Variants in ZDHHC21 observed in about 807,000 individuals in gnomAD.
ZDHHC21 encodes the protein palmitoyltransferase ZDHHC21.
A neutral mutation model predicts 34.6 loss-of-function variants in ZDHHC21; 15 were observed. The ratio of observed to expected loss-of-function variants is 0.43; its 90% CI spans 0.29 to 0.67. The LOEUF is 0.67. ZDHHC21 is among the 30% of genes least tolerant of loss of function. The pLI is 0.14. For synonymous variants in ZDHHC21, 142 were observed against 101.8 expected (o/e 1.40, Z -2.38); for missense variants, 344 against 327.7 (o/e 1.05, Z -0.38).
chr9:14,619,751 T>C, intron 8 of ZDHHC21, 69 bp from the exon 9 acceptor site: 1 of 934,956 alleles, frequency 1.1e-6, no homozygotes, highest in Admixed American at 3.4e-5. Flanking sequence ...ATCCACTCTA[T>C]CATGTTTTTA....
chr9:14,691,689 A>T (rs186513238), intron 1 of ZDHHC21, among the ~76,000 whole-genome samples: 2 of 152,338 alleles, frequency 1.3e-5, no homozygotes, highest in Admixed American at 1.3e-4. Context: ...CAGCTTCTCA[A>T]GTATGTTAAC....
intron 1 of ZDHHC21, 70 bp downstream of exon 1, chr9:14,693,159 G>T (rs1196993877): frequency 4.3e-6 from 1 of 235,158 alleles, no homozygotes. Flanking sequence ...GGGGGCCGGG[G>T]ATGGGGGTGG....
At chr9:14,666,052 G>C (rs1479187814) in intron 5 of ZDHHC21, among the ~76,000 whole-genome samples, 2 of 149,988 alleles carry the variant, frequency 1.3e-5, no homozygotes, top group South Asian at 2.2e-4. Context: ...ACACAGACTG[G>C]CAAATTGGAT....
At chr9:14,608,750 A>G (rs117042027), downstream of ZDHHC21, among the ~76,000 whole-genome samples, 2,254 of 151,876 alleles carry the variant, frequency 0.015, 20 homozygotes, top group Non-Finnish European at 0.024. Context: ...TTTCCTTCCA[A>G]TTGCTCTTGC....
chr9:14,659,921 G>A (rs1416642859), intron 6 of ZDHHC21, among the ~76,000 whole-genome samples: 1 of 152,162 alleles, frequency 6.6e-6, no homozygotes, highest in Non-Finnish European at 1.5e-5. Context: ...CCGATTGAAA[G>A]ATGACTTATC....
intron 8 of ZDHHC21, among the ~76,000 whole-genome samples, chr9:14,621,251 A>G (rs1825257032): frequency 6.6e-6 from 1 of 152,070 alleles, no homozygotes; most frequent in African/African-American, 2.4e-5. Context: ...GACAACACTT[A>G]AAAACTATAA....
chr9:14,647,558 A>G (rs569816144), intron 7 of ZDHHC21, among the ~76,000 whole-genome samples: 1 of 151,942 alleles, frequency 6.6e-6, no homozygotes, highest in Admixed American at 6.6e-5. Context: ...CAAATTCTCA[A>G]CCCCGACGGG....
chr9:14,664,920 A>G (rs567824541), intron 5 of ZDHHC21, among the ~76,000 whole-genome samples: 1 of 151,758 alleles, frequency 6.6e-6, no homozygotes, highest in South Asian at 2.1e-4. Flanking sequence ...GAAAAACTGG[A>G]AACTCTAAAA....
At chr9:14,605,607 G>C in the ZDHHC21 span, among the ~76,000 whole-genome samples, 2 of 152,066 alleles carry the variant, frequency 1.3e-5, no homozygotes, top group Non-Finnish European at 2.9e-5. Context: ...CAAATATGTG[G>C]TTTGAAAATA....
chr9:14,605,663 T>C, the ZDHHC21 span, among the ~76,000 whole-genome samples: 5 of 152,234 alleles, frequency 3.3e-5, no homozygotes, highest in African/African-American at 1.2e-4. Flanking sequence ...TTAAGTCTCC[T>C]TAGCTATGCA....
chr9:14,685,530 C>G (rs572880187), intron 2 of ZDHHC21, among the ~76,000 whole-genome samples: 1 of 151,944 alleles, frequency 6.6e-6, no homozygotes, highest in Non-Finnish European at 1.5e-5. Context: ...GTTAGAATGG[C>G]GATCACTAAA....
At chr9:14,687,393 G>A (rs1224612633) in intron 2 of ZDHHC21, among the ~76,000 whole-genome samples, 8 of 150,708 alleles carry the variant, frequency 5.3e-5, no homozygotes, top group Non-Finnish European at 1.0e-4. Flanking sequence ...ATGCTGGGCC[G>A]GGCATGGTGG....
intron 5 of ZDHHC21, among the ~76,000 whole-genome samples, chr9:14,662,736 A>C (rs959691046): frequency 3.9e-5 from 6 of 152,214 alleles, no homozygotes; most frequent in Admixed American, 3.9e-4. Flanking sequence ...AGAAGAAATA[A>C]TGCTGACCCT....
At chr9:14,666,641 C>A (rs1306677584) in intron 5 of ZDHHC21, among the ~76,000 whole-genome samples, 1 of 109,642 alleles carries the variant, frequency 9.1e-6, no homozygotes, top group Non-Finnish European at 2.1e-5. Flanking sequence ...GAAATTATAA[C>A]AAACTGTCTC....
At chr9:14,666,128 G>A (rs1037615163) in intron 5 of ZDHHC21, among the ~76,000 whole-genome samples, 1 of 143,454 alleles carries the variant, frequency 7.0e-6, no homozygotes, top group Non-Finnish European at 1.5e-5. Context: ...GACACACATA[G>A]GCTCAAAATA....
intron 8 of ZDHHC21, chr9:14,622,645 T>C (rs1035181284): frequency 9.1e-6 from 9 of 985,114 alleles, no homozygotes; most frequent in East Asian, 1.1e-4. Context: ...TTGCCACATA[T>C]GTTGTCATAC....
intron 6 of ZDHHC21, among the ~76,000 whole-genome samples, chr9:14,660,994 C>T (rs1833287242): frequency 6.6e-6 from 1 of 152,120 alleles, no homozygotes; most frequent in Non-Finnish European, 1.5e-5. Context: ...AAACAGATCA[C>T]TGAGCTTAAG....
At chr9:14,589,614 G>T in the ZDHHC21 span, 5 of 152,138 alleles carry the variant, frequency 3.3e-5, no homozygotes, top group African/African-American at 1.2e-4. Flanking sequence ...GGATGAGACT[G>T]CAAGGCTGAA....
Position 14,686,544 on chromosome 9 carries a change from T to C in ZDHHC21, c.-176+3793A>G, listed in dbSNP as rs185643609. On this transcript the variant is annotated intron_variant, in intron 2 of 9. Transcript: ENST00000380916. Reference sequence around the variant, plus strand: ...TGGGGGGCACAGAACCTGTATATCCTCCCAGGGTCAACTTTTCTATGGTCC... The same window carrying C: ...TGGGGGGCACAGAACCTGTATATCCCCCCAGGGTCAACTTTTCTATGGTCC... Among the ~76,000 whole-genome samples, 145 of 152,348 alleles carry C rather than the reference T, an allele frequency of 9.5e-4. 1 individual carries two copies. Among genetic ancestry groups the C allele is most frequent in the African/African-American group, 3.3e-3 (138 of 41,582 alleles).
Sources: allele counts gnomAD v4.1 joint callset (sites outside exome capture counted in the v4.1 genomes callset), GRCh38; gene constraint gnomAD v4.1.1; transcripts MANE v1.5; gene names NCBI Gene and HGNC (gene_info 2026-07-23, HGNC 2026-07-21).